HDAC9: variants seen among roughly 807,000 people sequenced by gnomAD.
The protein encoded by HDAC9 is histone deacetylase 9, also known as MEF-2 interacting transcription repressor (MITR) protein.
Under a neutral mutation model 139.4 loss-of-function variants are expected in HDAC9, and 41 were observed. The observed-to-expected ratio is 0.29, with a 90% CI of 0.23 to 0.38. The LOEUF (loss-of-function observed/expected upper bound fraction) is 0.38, where lower values mean the gene tolerates loss of function less well. HDAC9 is among the 10% of genes least tolerant of loss of function. HDAC9 has a pLI of 1.00. For synonymous variants in HDAC9, 517 were observed against 476.2 expected (o/e 1.09, Z -1.12); for missense variants, 1,147 against 1,297.0 (o/e 0.88, Z 1.78).
At chr7:18,755,764 G>A (rs1788821707) in intron 14 of HDAC9, among the ~76,000 whole-genome samples, 2 of 151,996 alleles carry the variant, frequency 1.3e-5, no homozygotes, top group African/African-American at 2.4e-5. Context: ...TATTGAACTG[G>A]GATTTGCTGT....
At chr7:18,387,300 C>A (rs1786031065) in intron 1 of HDAC9, among the ~76,000 whole-genome samples, 1 of 151,400 alleles carries the variant, frequency 6.6e-6, no homozygotes, top group Non-Finnish European at 1.5e-5. Context: ...ATGTTGGTAC[C>A]CAGTGAGGAG....
chr7:18,987,622 G>T (rs1348551065), intron 25 of HDAC9, among the ~76,000 whole-genome samples: 3 of 152,088 alleles, frequency 2.0e-5, no homozygotes, highest in Non-Finnish European at 2.9e-5. Context: ...CTATTGATTG[G>T]CATAGTTTCA....
chr7:18,562,047 C>G (rs561725584), intron 2 of HDAC9, among the ~76,000 whole-genome samples: 21 of 152,218 alleles, frequency 1.4e-4, no homozygotes, highest in African/African-American at 5.1e-4. Flanking sequence ...GAAGTGGTAT[C>G]TTATTTCAGT....
At chr7:18,637,083 G>C (rs962654339) in intron 8 of HDAC9, among the ~76,000 whole-genome samples, 11 of 152,058 alleles carry the variant, frequency 7.2e-5, no homozygotes, top group African/African-American at 2.7e-4. Context: ...TGTTTCAGAA[G>C]ACCACTTACA....
At chr7:18,964,466 A>T (rs1052609886) in intron 24 of HDAC9, among the ~76,000 whole-genome samples, 57 of 152,308 alleles carry the variant, frequency 3.7e-4, no homozygotes, top group African/African-American at 1.3e-3. Flanking sequence ...GGCAACCTGT[A>T]AGATCTATGA....
chr7:18,365,092 T>C (rs149917296), intron 1 of HDAC9, among the ~76,000 whole-genome samples: 1 of 152,166 alleles, frequency 6.6e-6, no homozygotes, highest in East Asian at 1.9e-4. Flanking sequence ...AACACCTTCA[T>C]AGACTAGTGC....
At chr7:18,174,561 C>G (rs1220069548) in intron 2 of HDAC9, among the ~76,000 whole-genome samples, 3 of 152,198 alleles carry the variant, frequency 2.0e-5, no homozygotes, top group African/African-American at 7.2e-5. Context: ...AACTTTTCTG[C>G]TCTGGTTTCT....
At chr7:18,266,492 A>T (rs149406718) in intron 2 of HDAC9, among the ~76,000 whole-genome samples, 20 of 152,294 alleles carry the variant, frequency 1.3e-4, no homozygotes, top group African/African-American at 4.8e-4. Flanking sequence ...CTCAGGACAG[A>T]CATTGTGCAT....
At chr7:18,211,513 G>A (rs1791934554) in intron 2 of HDAC9, among the ~76,000 whole-genome samples, 1 of 152,098 alleles carries the variant, frequency 6.6e-6, no homozygotes, top group African/African-American at 2.4e-5. Flanking sequence ...AATGATTATT[G>A]TACAGTATTC....
intron 8 of HDAC9, among the ~76,000 whole-genome samples, chr7:18,636,795 G>A (rs1784030619): frequency 6.6e-6 from 1 of 151,966 alleles, no homozygotes; most frequent in Non-Finnish European, 1.5e-5. Context: ...GCATCTTTTT[G>A]TTAGTGCAGT....
At chr7:18,259,860 T>C (rs1795529005) in intron 2 of HDAC9, among the ~76,000 whole-genome samples, 1 of 152,184 alleles carries the variant, frequency 6.6e-6, no homozygotes, top group South Asian at 2.1e-4. Context: ...TCTTACCTCT[T>C]TTAGAAACAT....
In HDAC9 at chr7:18,396,045, A is replaced by C. The variant is rs1786999663; in HGVS notation, c.-41-100217A>C. On this transcript the variant is annotated intron_variant, in intron 1 of 3. Coordinates refer to the HDAC9 transcript ENST00000413509. ...AGTCTTTTTATATGGTTTCTAGCTGAGTAGATTGTCCTGCCAATGACTCTC... is the reference window on the plus strand; with the variant it reads ...AGTCTTTTTATATGGTTTCTAGCTGCGTAGATTGTCCTGCCAATGACTCTC... 2.0e-5 allele frequency among the ~76,000 whole-genome samples: 3 copies of C among 147,470 alleles called. No homozygotes were observed. The South Asian group carries it at 6.6e-4, about 32-fold the overall frequency.
chr7:18,976,265 G>C lies in HDAC9; in HGVS notation c.3170+312G>C, dbSNP rs115688567. 1.8e-3 allele frequency among the ~76,000 whole-genome samples: 272 copies of C among 152,252 alleles called. 3 individuals are homozygous for C. The highest frequency in any genetic ancestry group is 6.3e-3 in the African/African-American group (260 of 41,526). ...GATCGTTATGGAAAGAGCTGCTTGT[G>C]GGCTTAACTCCTTTTCCTAGTTATC... On this transcript the variant is annotated intron_variant, in intron 25 of 25. Transcript: ENST00000686413.
chr7:18,809,150 A>C (rs1793969712), intron 17 of HDAC9, among the ~76,000 whole-genome samples: 2 of 152,086 alleles, frequency 1.3e-5, no homozygotes, highest in South Asian at 4.1e-4. Context: ...GAATAATATA[A>C]AATTGGATCC....
intron 2 of HDAC9, among the ~76,000 whole-genome samples, chr7:18,561,603 C>G (rs552583987): frequency 3.3e-4 from 51 of 152,270 alleles, no homozygotes; most frequent in African/African-American, 1.2e-3. Flanking sequence ...ATTCTCTTTT[C>G]CATACTACCA....
At chr7:18,965,084 A>G (rs1477706401) in intron 24 of HDAC9, among the ~76,000 whole-genome samples, 1 of 152,190 alleles carries the variant, frequency 6.6e-6, no homozygotes, top group Admixed American at 6.5e-5. Flanking sequence ...ATAGCTTCTG[A>G]TTAATGCACT....
intron 1 of HDAC9, among the ~76,000 whole-genome samples, chr7:18,111,536 A>C (rs1222510157): frequency 6.6e-6 from 1 of 152,174 alleles, no homozygotes; most frequent in Non-Finnish European, 1.5e-5. Context: ...CTCTTGGGTA[A>C]AAGGGTATAG....
intron 2 of HDAC9, among the ~76,000 whole-genome samples, chr7:18,172,535 G>A (rs1324429869): frequency 2.0e-5 from 3 of 152,192 alleles, no homozygotes; most frequent in African/African-American, 4.8e-5. Context: ...TCGTTTAACT[G>A]TGATGTTACG....
At chr7:18,790,456 C>T (rs919396739) in intron 16 of HDAC9, among the ~76,000 whole-genome samples, 2 of 152,074 alleles carry the variant, frequency 1.3e-5, no homozygotes, top group Non-Finnish European at 2.9e-5. Context: ...AGGGGAGAGT[C>T]CTCACCAGTC....
Sources: gnomAD v4.1 joint callset for allele counts (sites outside exome capture counted in the v4.1 genomes callset) on GRCh38, gnomAD v4.1.1 for gene constraint, MANE v1.5 for transcripts, NCBI Gene and HGNC (gene_info 2026-07-23, HGNC 2026-07-21) for gene names.